PSMG4: variants seen among roughly 807,000 people sequenced by gnomAD.
The protein encoded by PSMG4 is proteasome assembly chaperone 4.
A neutral mutation model predicts 11.0 loss-of-function variants in PSMG4; 10 were observed. The ratio of observed to expected loss-of-function variants is 0.91; its 90% CI spans 0.56 to 1.54. The LOEUF (loss-of-function observed/expected upper bound fraction) is 1.54, where lower values mean the gene tolerates loss of function less well. Among genes scored for constraint, PSMG4 ranks in the 40% most tolerant of loss-of-function variants. The pLI is 0.00. For missense variants in PSMG4, 198 were observed against 160.9 expected (o/e 1.23, Z -1.25); for synonymous variants, 95 against 71.3 (o/e 1.33, Z -1.68).
chr6:3,259,011 C>A lies in PSMG4; in HGVS notation c.-12C>A. 8.0e-7 allele frequency: 1 copy of A among 1,243,216 alleles called. No homozygotes were observed. Among genetic ancestry groups the A allele is most frequent in the Non-Finnish European group, 1.0e-6 (1 of 992,822 alleles). The allele number at this position is 1,243,216 out of a possible 1,614,324, so 77.0% of individuals were successfully genotyped here. ...CGGGTCTGGCGCTGTGGGCCGGGAG[C>A]CGTGGGGCGGCATGGAGGGGCTGGT... On this transcript the variant is annotated 5_prime_UTR_variant, in exon 1 of 3. Transcript: ENST00000438998.
intron 1 of PSMG4, among the ~76,000 whole-genome samples, chr6:3,259,781 C>T (rs1458587461): frequency 6.6e-6 from 1 of 152,104 alleles, no homozygotes; most frequent in African/African-American, 2.4e-5. Context: ...CCCAAGCCGC[C>T]CTCACCTTCA....
chr6:3,254,754 A>G (rs1757687641), upstream of PSMG4, among the ~76,000 whole-genome samples: 1 of 152,146 alleles, frequency 6.6e-6, no homozygotes, highest in East Asian at 1.9e-4. Flanking sequence ...CTCTTTTAAA[A>G]ACTGTAATGC....
intron 2 of PSMG4, 155 bp downstream of exon 2, chr6:3,263,914 T>C: frequency 1.4e-6 from 2 of 1,433,876 alleles, no homozygotes; most frequent in Non-Finnish European, 1.8e-6. Context: ...CGTTGGGTCT[T>C]ATTTAAGGGG....
chr6:3,263,584 C>A, intron 1 of PSMG4, 100 bp from the exon 2 acceptor site: 1 of 1,033,544 alleles, frequency 9.7e-7, no homozygotes. Context: ...CTGAACCTGC[C>A]ACTGCCATCG....
At position 3,259,080 on chromosome 6, in the gene PSMG4, A is replaced by C; in HGVS notation, c.58A>C (p.Arg20=). 1 of 1,269,372 alleles carries C rather than the reference A, an allele frequency of 7.9e-7. No individual in the cohort carries two copies. The highest frequency in any genetic ancestry group is 9.9e-7 in the Non-Finnish European group (1 of 1,005,628). The allele number at this position is 1,269,372 out of a possible 1,614,324, so 78.6% of individuals were successfully genotyped here. Residue 20 remains arginine, a synonymous_variant, in exon 1 of 3, where the codon AGG becomes CGG. Coordinates refer to ENST00000438998, the MANE Select transcript of PSMG4 (RefSeq NM_001128591.2). ...CGTCTCCCTGCACAACTTCAGCGCGAGGCTGTGGGAGCAGCTGGTCCACTT... is the reference window on the plus strand; with the variant it reads ...CGTCTCCCTGCACAACTTCAGCGCGCGGCTGTGGGAGCAGCTGGTCCACTT... ...GDVSLHNFSA[R]LWEQLVHFHV...
At chr6:3,255,227 C>G (rs753102597), upstream of PSMG4, 5 of 1,549,566 alleles carry the variant, frequency 3.2e-6, no homozygotes, top group African/African-American at 6.8e-5. Flanking sequence ...AAAATCAACT[C>G]TGGTAAGCCT....
chr6:3,261,567 A>C (rs1414099068), intron 1 of PSMG4, among the ~76,000 whole-genome samples: 1 of 152,182 alleles, frequency 6.6e-6, no homozygotes, highest in Non-Finnish European at 1.5e-5. Context: ...CCTCCAGCAA[A>C]GCCAGGCAGG....
chr6:3,254,592 GT>G (rs1757676061), upstream of PSMG4, among the ~76,000 whole-genome samples: 1 of 152,172 alleles, frequency 6.6e-6, no homozygotes. Flanking sequence ...AACGATGGAA[GT>G]AAATAATTCC....
intron 1 of PSMG4, among the ~76,000 whole-genome samples, chr6:3,260,291 A>ATATATATATATATATAT: frequency 7.1e-5 from 5 of 70,842 alleles, no homozygotes; most frequent in African/African-American, 1.1e-4. Flanking sequence ...ATATATATAT[A>ATATATATATATATATAT]TTTTTTTTTT....
chr6:3,267,947 A>C lies in PSMG4; in HGVS notation c.*235A>C, dbSNP rs1037470093. The stretch of plus-strand genomic sequence containing the variant: ...TTTGGCTGTGAGTGATAGAGGGATG[A>C]AATGGGATTTTTGTTGGGATTGAAG... On this transcript the variant is annotated 3_prime_UTR_variant, in exon 3 of 3. Coordinates refer to ENST00000438998, the MANE Select transcript of PSMG4 (RefSeq NM_001128591.2). The C allele has an allele frequency of 2.7e-5, 10 of 375,152 alleles. No homozygotes were observed. The highest frequency in any genetic ancestry group is 3.9e-5 in the Non-Finnish European group (8 of 203,250). 23.2% of individuals were successfully genotyped at this position (375,152 alleles called of 1,614,324 possible). A position where few individuals can be genotyped will look rare whatever the true frequency, so the allele number is the denominator to read the frequency against.
chr6:3,256,690 T>G (rs559759200), upstream of PSMG4, among the ~76,000 whole-genome samples: 4 of 152,316 alleles, frequency 2.6e-5, no homozygotes, highest in South Asian at 8.3e-4. Context: ...GCCCTTGCAG[T>G]AGGCAGGGTG....
intron 1 of PSMG4, among the ~76,000 whole-genome samples, chr6:3,261,555 C>T (rs1396219707): frequency 6.6e-6 from 1 of 152,166 alleles, no homozygotes; most frequent in Non-Finnish European, 1.5e-5. Context: ...CTGGAAAGTG[C>T]CCCTCCAGCA....
upstream of PSMG4, among the ~76,000 whole-genome samples, chr6:3,257,559 G>A (rs919846205): frequency 4.6e-5 from 7 of 152,138 alleles, no homozygotes; most frequent in African/African-American, 1.4e-4. Context: ...ATGGAACACT[G>A]CTTAGTAATA....
chr6:3,260,869 C>T (rs1407476849), intron 1 of PSMG4, among the ~76,000 whole-genome samples: 1 of 152,216 alleles, frequency 6.6e-6, no homozygotes, highest in Non-Finnish European at 1.5e-5. Flanking sequence ...TCGAAGACTC[C>T]AGTGACCTTC....
At chr6:3,263,609 A>G in intron 1 of PSMG4, 75 bp from the exon 2 acceptor site, 1 of 1,270,692 alleles carries the variant, frequency 7.9e-7, no homozygotes, top group Non-Finnish European at 1.1e-6. Flanking sequence ...GAAGAATCAG[A>G]AGCCCGGAAG....
upstream of PSMG4, chr6:3,254,931 C>T (rs988842198): frequency 2.9e-5 from 34 of 1,156,610 alleles, no homozygotes; most frequent in African/African-American, 1.6e-4. Flanking sequence ...CAGCCATTCT[C>T]TCACTGGGTG....
At chr6:3,255,338 A>G (rs146482287), upstream of PSMG4, 243 of 1,469,886 alleles carry the variant, frequency 1.7e-4, no homozygotes, top group African/African-American at 2.6e-3. Flanking sequence ...TGGTGGAGTC[A>G]TTCTATGTAG....
upstream of PSMG4, among the ~76,000 whole-genome samples, chr6:3,255,945 C>T (rs1757747856): frequency 6.6e-6 from 1 of 152,232 alleles, no homozygotes; most frequent in South Asian, 2.1e-4. Context: ...GTACCTATGG[C>T]ATTATCACAC....
chr6:3,258,816 CCCAGGG>C (rs1436044253), upstream of PSMG4: 1 of 409,928 alleles, frequency 2.4e-6, no homozygotes, highest in African/African-American at 2.1e-5. Context: ...AGCTACTCCG[CCCAGGG>C]CCGGCAGCCG....
Sources: gnomAD v4.1 joint callset for allele counts (sites outside exome capture counted in the v4.1 genomes callset) on GRCh38, gnomAD v4.1.1 for gene constraint, MANE v1.5 for transcripts, NCBI Gene and HGNC (gene_info 2026-07-23, HGNC 2026-07-21) for gene names.